NPAS2: variants seen among roughly 807,000 people sequenced by gnomAD.
The protein encoded by NPAS2 is neuronal PAS domain protein 2, also known as neuronal PAS domain-containing protein 2.
NPAS2 carries 23 observed loss-of-function variants against 107.5 expected under a neutral mutation model. The ratio of observed to expected loss-of-function variants is 0.21; its 90% confidence interval spans 0.15 to 0.30. The LOEUF (loss-of-function observed/expected upper bound fraction) is 0.30. NPAS2 is among the 10% of genes least tolerant of loss of function. NPAS2 has a pLI of 1.00. For missense variants in NPAS2, 756 were observed against 1,043.3 expected, an observed-to-expected ratio of 0.72 and a Z score of 3.79; for synonymous variants, 403 against 417.5, an observed-to-expected ratio of 0.97 and a Z score of 0.42.
In NPAS2 at chr2:100,995,889, G is replaced by T; in HGVS notation, c.*307G>T. The stretch of plus-strand genomic sequence containing the variant: ...TTTGCCGTCAGAGATGGCGCATCTC[G>T]CTGCATCCCCCGAGAGTACACCGGT... On this transcript the variant is annotated 3_prime_UTR_variant, in exon 21 of 21. Coordinates refer to ENST00000335681, the MANE Select transcript of NPAS2 (RefSeq NM_002518.4). 1 of 1,465,886 alleles carries T rather than the reference G, an allele frequency of 6.8e-7. No individual in the cohort carries two copies. 90.8% of individuals were successfully genotyped at this position (1,465,886 alleles called of 1,614,324 possible). A position where few individuals can be genotyped will look rare whatever the true frequency, so the allele number is the denominator to read the frequency against.
chr2:100,854,543 T>TC (rs1558810779), intron 1 of NPAS2, among the ~76,000 whole-genome samples: 1 of 152,100 alleles, frequency 6.6e-6, no homozygotes, highest in Non-Finnish European at 1.5e-5. Flanking sequence ...GAAAGCATTT[T>TC]CCCCCCAGCT....
At position 100,820,947 on chromosome 2, in the gene NPAS2, C is replaced by G; in HGVS notation, c.-23+533C>G. The G allele has an allele frequency of 2.2e-6, 2 of 917,754 alleles. No homozygotes were observed. The highest frequency in any genetic ancestry group is 3.0e-6 in the Non-Finnish European group (2 of 667,682). 56.9% of individuals were successfully genotyped at this position (917,754 alleles called of 1,614,324 possible). The stretch of plus-strand genomic sequence containing the variant: ...GTGCGGAATCGGTGCCCCCAACCCC[C>G]GTGTGCGCAGACAGCGTGCAGCCTG... On this transcript the variant is annotated intron_variant, in intron 1 of 20. Transcript: ENST00000335681. This position sits in a 1 kb window ranked among gnomAD's most constrained non-coding sequence, Gnocchi z 5.6.
chr2:100,951,635 A>T (rs1675227537), intron 7 of NPAS2, among the ~76,000 whole-genome samples: 1 of 152,186 alleles, frequency 6.6e-6, no homozygotes, highest in Admixed American at 6.5e-5. Flanking sequence ...AGCCAAATTC[A>T]TAGAAACAGA....
At chr2:100,891,666 T>G (rs1272468610) in intron 1 of NPAS2, among the ~76,000 whole-genome samples, 3 of 152,242 alleles carry the variant, frequency 2.0e-5, no homozygotes, top group Admixed American at 2.0e-4. Context: ...CTAATTCTGC[T>G]GCCTCAATTA....
intron 2 of NPAS2, among the ~76,000 whole-genome samples, chr2:100,922,234 A>G (rs886880104): frequency 5.9e-5 from 9 of 152,194 alleles, no homozygotes; most frequent in African/African-American, 2.2e-4. Context: ...CTAATACACC[A>G]AACTATGCAC....
intron 12 of NPAS2, among the ~76,000 whole-genome samples, chr2:100,973,346 A>T (rs1676728618): frequency 6.6e-6 from 1 of 152,184 alleles, no homozygotes; most frequent in African/African-American, 2.4e-5. Flanking sequence ...TGTGGACGTG[A>T]TGTGCAGAGA....
intron 1 of NPAS2, among the ~76,000 whole-genome samples, chr2:100,875,461 TA>T (rs1679897897): frequency 2.1e-5 from 3 of 143,568 alleles, no homozygotes; most frequent in Non-Finnish European, 4.6e-5. Context: ...ATTAAAAGCT[TA>T]CACACACACA....
intron 15 of NPAS2, among the ~76,000 whole-genome samples, chr2:100,978,156 CCCCCACCCTTG>C (rs1007359366): frequency 7.9e-5 from 12 of 152,232 alleles, no homozygotes; most frequent in African/African-American, 9.6e-5. Context: ...GCCTCACATC[CCCCCACCCTTG>C]CCCCACCAGT....
intron 1 of NPAS2, among the ~76,000 whole-genome samples, chr2:100,883,966 T>C (rs1680543718): frequency 6.6e-6 from 1 of 152,092 alleles, no homozygotes; most frequent in Non-Finnish European, 1.5e-5. Flanking sequence ...CTGAAGCATC[T>C]TGTGAGTTTG....
intron 5 of NPAS2, 66 bp downstream of exon 5, chr2:100,937,908 T>C: frequency 8.0e-7 from 1 of 1,243,176 alleles, no homozygotes; most frequent in Non-Finnish European, 1.2e-6. Context: ...AATCATTAGA[T>C]CTCAGATGGA....
chr2:100,898,085 A>ACT (rs1681531250), intron 1 of NPAS2, among the ~76,000 whole-genome samples: 1 of 150,962 alleles, frequency 6.6e-6, no homozygotes, highest in Admixed American at 6.6e-5. Context: ...TCAAGCTATC[A>ACT]CTTTTTTTTT....
intron 2 of NPAS2, among the ~76,000 whole-genome samples, chr2:100,909,226 A>G (rs1248220250): frequency 6.6e-6 from 1 of 152,238 alleles, no homozygotes; most frequent in Non-Finnish European, 1.5e-5. Context: ...ACATAGCATT[A>G]TCCTGCCCTC....
chr2:100,819,405 T>G (rs945213759), upstream of NPAS2, among the ~76,000 whole-genome samples: 19 of 152,046 alleles, frequency 1.2e-4, no homozygotes, highest in Admixed American at 1.0e-3. The surrounding 1 kb of genome is among the most constrained non-coding windows in gnomAD (Gnocchi z 5.8). Flanking sequence ...CACTGGTTAT[T>G]CCTCCCCAGC....
intron 1 of NPAS2, chr2:100,878,481 T>C (rs956763857): frequency 7.5e-5 from 74 of 985,288 alleles, no homozygotes; most frequent in Non-Finnish European, 8.3e-5. Flanking sequence ...CTCTGTGACA[T>C]TGAAGCAAGA....
intron 3 of NPAS2, among the ~76,000 whole-genome samples, chr2:100,928,476 T>A (rs1344459881): frequency 6.6e-6 from 1 of 151,234 alleles, no homozygotes; most frequent in East Asian, 2.0e-4. Context: ...ACTGTGGAAT[T>A]ACAGAATTGT....
intron 2 of NPAS2, 70 bp downstream of exon 2, chr2:100,904,856 C>T: frequency 8.8e-7 from 1 of 1,132,906 alleles, no homozygotes; most frequent in Non-Finnish European, 1.3e-6. Flanking sequence ...CAGAATCTCG[C>T]TGGCTTTCAC....
At chr2:100,845,325 G>A (rs1271176295) in intron 1 of NPAS2, among the ~76,000 whole-genome samples, 1 of 152,172 alleles carries the variant, frequency 6.6e-6, no homozygotes, top group Non-Finnish European at 1.5e-5. Flanking sequence ...GGAGCAGGCT[G>A]GCTCCATGCT....
In NPAS2 at chr2:100,965,689, T is replaced by C. The variant is rs1415545738; in HGVS notation, c.830T>C (p.Phe277Ser). The change falls in exon 10 of 21, where the codon TTT becomes TCT. Residue 277 changes from phenylalanine (F) to serine (S), a missense_variant. Phe to Ser is a radical substitution (Grantham distance 155, BLOSUM62 -2). Coordinates refer to ENST00000335681, the MANE Select transcript of NPAS2 (RefSeq NM_002518.4). The surrounding 1 kb of genome is among the most constrained non-coding windows in gnomAD (Gnocchi z 4.3). ...RAPPIIGYLP[F>S]EVLGTSGYDY... ...CCTCCAATCATAGGATACCTGCCTT[T>C]TGAAGTGCTGGGAACCTCAGGCTAT... 1 of 1,614,004 alleles carries C rather than the reference T, an allele frequency of 6.2e-7. No individual in the cohort carries two copies. The highest frequency in any genetic ancestry group is 1.7e-5 in the Admixed American group (1 of 60,016).
intron 7 of NPAS2, among the ~76,000 whole-genome samples, chr2:100,960,816 C>T (rs1191957814): frequency 6.6e-6 from 1 of 152,076 alleles, no homozygotes; most frequent in Non-Finnish European, 1.5e-5. Flanking sequence ...GGACCTTAAG[C>T]TAGGATTTGG....
Sources: gnomAD v4.1 joint callset for allele counts (sites outside exome capture counted in the v4.1 genomes callset) on GRCh38, gnomAD v4.1.1 for gene constraint, Gnocchi (gnomAD v3.1) non-coding constraint, MANE v1.5 for transcripts, NCBI Gene and HGNC (gene_info 2026-07-23, HGNC 2026-07-21) for gene names.